ULK2: variants seen among roughly 807,000 people sequenced by gnomAD.
The protein encoded by ULK2 is serine/threonine-protein kinase ULK2.
A neutral mutation model predicts 127.5 loss-of-function variants in ULK2; 76 were observed. The observed-to-expected ratio is 0.60, with a 90% CI of 0.50 to 0.72. The LOEUF (loss-of-function observed/expected upper bound fraction) is 0.72, where lower values mean the gene tolerates loss of function less well. Among genes scored for constraint, ULK2 ranks in the 30% least tolerant of loss-of-function variants. ULK2 has a pLI of 0.00. For missense variants in ULK2, 1,144 were observed against 1,295.9 expected, an observed-to-expected ratio of 0.88 and a Z score of 1.80; for synonymous variants, 452 against 461.9, an observed-to-expected ratio of 0.98 and a Z score of 0.28.
chr17:19,811,548 TCTC>T (rs1240278357), intron 13 of ULK2, among the ~76,000 whole-genome samples: 2 of 152,032 alleles, frequency 1.3e-5, no homozygotes, highest in Non-Finnish European at 1.5e-5. Context: ...TTCAAGCAAT[TCTC>T]CTGCCTCAGC....
intron 3 of ULK2, among the ~76,000 whole-genome samples, chr17:19,863,085 G>T: frequency 6.6e-6 from 1 of 152,020 alleles, no homozygotes. Context: ...TTGGTGGCAG[G>T]CGCCTATAAT....
chr17:19,809,351 T>C (rs535604566), intron 14 of ULK2, among the ~76,000 whole-genome samples: 1 of 152,162 alleles, frequency 6.6e-6, no homozygotes, highest in Non-Finnish European at 1.5e-5. Flanking sequence ...TAGAAATTGG[T>C]TGCATAACAA....
At chr17:19,849,859 G>C (rs1043017438) in intron 3 of ULK2, 85 bp from the exon 4 acceptor site, 5 of 804,388 alleles carry the variant, frequency 6.2e-6, no homozygotes, top group Non-Finnish European at 9.8e-6. Flanking sequence ...TACCATACTT[G>C]TTCATTATTA....
chr17:19,864,216 C>T (rs1004275139), intron 3 of ULK2, among the ~76,000 whole-genome samples: 3 of 152,120 alleles, frequency 2.0e-5, no homozygotes, highest in Non-Finnish European at 4.4e-5. Context: ...GCCTGTAATC[C>T]CAGTACTTTG....
At chr17:19,809,757 T>C (rs1399529033) in intron 14 of ULK2, among the ~76,000 whole-genome samples, 2 of 75,384 alleles carry the variant, frequency 2.7e-5, no homozygotes, top group Non-Finnish European at 2.9e-5. Flanking sequence ...AAAAAAAAAT[T>C]AGCCAGGTAT....
At chr17:19,786,551 T>C (rs779681960) in intron 20 of ULK2, among the ~76,000 whole-genome samples, 4 of 151,830 alleles carry the variant, frequency 2.6e-5, no homozygotes, top group Non-Finnish European at 5.9e-5. Context: ...CTGTTTCTAC[T>C]AAAAATACAA....
intron 17 of ULK2, among the ~76,000 whole-genome samples, chr17:19,798,261 T>C (rs112194832): frequency 1.1e-4 from 16 of 152,356 alleles, no homozygotes; most frequent in Non-Finnish European, 1.9e-4. Flanking sequence ...TTCTGTACTT[T>C]GTCCATTAAA....
At chr17:19,801,641 G>A in intron 16 of ULK2, 136 bp downstream of exon 16, 3 of 1,118,690 alleles carry the variant, frequency 2.7e-6, no homozygotes, top group Non-Finnish European at 3.8e-6. Flanking sequence ...GGGTAAAGAT[G>A]GAGGGACGGG....
In ULK2 at chr17:19,781,989, T is replaced by G. The variant is rs755018476; in HGVS notation, c.2539A>C (p.Arg847=). 21 of 1,614,084 alleles carry G rather than the reference T, an allele frequency of 1.3e-5. No individual in the cohort carries two copies. The highest frequency in any genetic ancestry group is 1.7e-5 in the Non-Finnish European group (20 of 1,180,030). The part of the protein sequence containing the change: ...TECVLDLTAM[R]GGNPELCTSA... ...GTGCACAGCTCAGGGTTTCCTCCCCTCATGGCTGTCAGGTCCAGCACACAC... is the reference window on the plus strand; with the variant it reads ...GTGCACAGCTCAGGGTTTCCTCCCCGCATGGCTGTCAGGTCCAGCACACAC... Residue 847 remains arginine (R), a synonymous_variant, in exon 23 of 27, where the codon AGG becomes CGG. Coordinates refer to ENST00000395544, the MANE Select transcript of ULK2 (RefSeq NM_014683.4).
intron 18 of ULK2, 110 bp from the exon 19 acceptor site, chr17:19,796,392 G>T: frequency 2.0e-6 from 2 of 1,012,214 alleles, no homozygotes; most frequent in Non-Finnish European, 1.3e-6. Context: ...GTAGGAGATA[G>T]GTCGGGTGGT....
intron 10 of ULK2, among the ~76,000 whole-genome samples, chr17:19,838,254 TTTTAA>T (rs1372362345): frequency 2.6e-5 from 4 of 151,854 alleles, no homozygotes; most frequent in Admixed American, 6.6e-5. Context: ...TAATTATGGT[TTTTAA>T]TTTGTTTATT....
At chr17:19,854,532 ACTT>A (rs1022066322) in intron 3 of ULK2, among the ~76,000 whole-genome samples, 1 of 152,118 alleles carries the variant, frequency 6.6e-6, no homozygotes. Context: ...CTTACAGAAG[ACTT>A]CTTCTGTAGA....
At chr17:19,827,871 T>C (rs1179850932) in intron 10 of ULK2, among the ~76,000 whole-genome samples, 1 of 151,606 alleles carries the variant, frequency 6.6e-6, no homozygotes, top group Non-Finnish European at 1.5e-5. Context: ...GAACCTGCCA[T>C]TGCGCTCCAG....
At chr17:19,777,737 C>T (rs1419535459) in intron 25 of ULK2, 21 bp from the exon 26 acceptor site, 14 of 1,580,656 alleles carry the variant, frequency 8.9e-6, no homozygotes, top group Non-Finnish European at 1.1e-5. Context: ...TCAACAAAAA[C>T]ACAATTCTCT....
chr17:19,805,313 G>A (rs1021198936), intron 14 of ULK2, among the ~76,000 whole-genome samples: 10 of 152,190 alleles, frequency 6.6e-5, no homozygotes, highest in Non-Finnish European at 1.5e-4. Flanking sequence ...CTCAAAGCAT[G>A]CAACTCATCT....
chr17:19,858,235 A>G (rs535471136), intron 3 of ULK2, among the ~76,000 whole-genome samples: 31 of 152,060 alleles, frequency 2.0e-4, no homozygotes, highest in African/African-American at 7.0e-4. Flanking sequence ...CTCCATCTCT[A>G]CAAAAAATAG....
At chr17:19,801,061 G>C (rs2087387136) in intron 16 of ULK2, among the ~76,000 whole-genome samples, 1 of 152,156 alleles carries the variant, frequency 6.6e-6, no homozygotes, top group African/African-American at 2.4e-5. Context: ...ATGCCTACCA[G>C]AACTGGAAGG....
At position 19,826,169 on chromosome 17, in the gene ULK2, G is replaced by C. The variant is rs1474971398; in HGVS notation, c.805C>G (p.Pro269Ala). The change falls in exon 11 of 27, where the codon CCT becomes GCT. Residue 269 changes from proline to alanine, a missense_variant. Around this residue, in one of 2 missense-constraint regions of ULK2, gnomAD observed 913 missense variants for 970.5 expected, o/e 0.94. Transcript: ENST00000395544. ...RMDFEAFFSHPFLEQGPVKKS... is the reference protein window; with the variant it reads ...RMDFEAFFSHAFLEQGPVKKS... ...TTTACTGGACCTTGCTCAAGAAAAG[G>C]ATGGCTAAAAAATGCTTCTGTAACA... 2 of 1,475,790 alleles carry C rather than the reference G, an allele frequency of 1.4e-6. No homozygotes were observed. The highest frequency in any genetic ancestry group is 1.8e-6 in the Non-Finnish European group (2 of 1,103,736). The allele number at this position is 1,475,790 out of a possible 1,614,324, so 91.4% of individuals were successfully genotyped here. A position where few individuals can be genotyped will look rare whatever the true frequency, so the allele number is the denominator to read the frequency against.
chr17:19,777,251 T>C lies in ULK2; in HGVS notation c.3052+330A>G, dbSNP rs534921605. On this transcript the variant is annotated intron_variant, in intron 26 of 26. Coordinates refer to ENST00000395544, the MANE Select transcript of ULK2 (RefSeq NM_014683.4). ...TCCCGAGCAGTGGAGCTTACAGGTA[T>C]GCGCCATGATGCACAGCTAATTTTT... 7.2e-5 allele frequency among the ~76,000 whole-genome samples: 11 copies of C among 152,330 alleles called. No homozygotes were observed. In the East Asian group the frequency reaches 2.1e-3, roughly 29 times the overall value.
Sources: allele counts gnomAD v4.1 joint callset (sites outside exome capture counted in the v4.1 genomes callset), GRCh38; gene constraint gnomAD v4.1.1; regional missense constraint gnomAD v4.1.1; transcripts MANE v1.5; gene names NCBI Gene and HGNC (gene_info 2026-07-23, HGNC 2026-07-21).